Variants in LRCH1 observed in about 807,000 individuals in gnomAD.
The protein encoded by LRCH1 is leucine rich repeats and calponin homology domain containing 1, also known as leucine-rich repeat and calponin homology domain-containing protein 1.
A neutral mutation model predicts 94.9 loss-of-function variants in LRCH1; 23 were observed. The ratio of observed to expected loss-of-function variants is 0.24; its 90% CI spans 0.17 to 0.34. The LOEUF is 0.34. Ranked by LOEUF, LRCH1 falls within the 10% of genes least tolerant of loss-of-function variation. LRCH1 has a pLI of 1.00. For synonymous variants in LRCH1, 364 were observed against 354.9 expected, an observed-to-expected ratio of 1.03 and a Z score of -0.29; for missense variants, 790 against 945.9, an observed-to-expected ratio of 0.84 and a Z score of 2.16.
intron 8 of LRCH1, among the ~76,000 whole-genome samples, chr13:46,693,178 T>A (rs1173530354): frequency 6.6e-6 from 1 of 152,044 alleles, no homozygotes; most frequent in Non-Finnish European, 1.5e-5. Flanking sequence ...ATTGATATGA[T>A]AGATATATTA....
Position 46,743,801 on chromosome 13 carries a change from C to G in LRCH1, c.*1953C>G, listed in dbSNP as rs557328992. 51 of 983,672 alleles carry G rather than the reference C, an allele frequency of 5.2e-5. No homozygotes were observed. In the South Asian group the frequency reaches 1.0e-3, roughly 20 times the overall value. The allele number at this position is 983,672 out of a possible 1,614,324, so 60.9% of individuals were successfully genotyped here. On this transcript the variant is annotated 3_prime_UTR_variant, in exon 20 of 20. Transcript: ENST00000389797. ...ATATCAATAAAAACTGAGTAGGACA[C>G]TCATGTAAGAGTAGATTTAATTTTC...
intron 1 of LRCH1, among the ~76,000 whole-genome samples, chr13:46,556,487 A>G (rs1049224019): frequency 1.3e-5 from 2 of 152,198 alleles, no homozygotes; most frequent in African/African-American, 4.8e-5. Context: ...AGAAAGACTG[A>G]TCCACGCAGG....
chr13:46,569,029 G>T (rs1401608778), intron 1 of LRCH1, among the ~76,000 whole-genome samples: 1 of 152,154 alleles, frequency 6.6e-6, no homozygotes, highest in Non-Finnish European at 1.5e-5. Flanking sequence ...CCTATTAGAA[G>T]ACTGATATTT....
chr13:46,578,705 G>C (rs956179969), intron 1 of LRCH1, among the ~76,000 whole-genome samples: 3 of 152,180 alleles, frequency 2.0e-5, no homozygotes, highest in African/African-American at 7.2e-5. Context: ...CTGAGAGCTG[G>C]TGCAGAAACA....
In LRCH1 at chr13:46,689,139, G is replaced by A. The variant is rs1870767360; in HGVS notation, c.957G>A (p.Lys319=). 1 of 1,609,330 alleles carries A rather than the reference G, an allele frequency of 6.2e-7. No individual in the cohort carries two copies. The highest frequency in any genetic ancestry group is 1.3e-5 in the African/African-American group (1 of 74,866). Reference sequence around the variant, plus strand: ...TTGATGGCATCTATCTCAGCAAGAAGGATTCTGATTCGGGAGTTGGAAGTG... The same window carrying A: ...TTGATGGCATCTATCTCAGCAAGAAAGATTCTGATTCGGGAGTTGGAAGTG... ...HLHQHVEDGK[K]DSDSGVGSDN... Residue 319 remains lysine (K), a synonymous_variant, in exon 7 of 20, where the codon AAG becomes AAA. Transcript: ENST00000389797.
At chr13:46,601,883 G>T (rs751781845) in intron 1 of LRCH1, among the ~76,000 whole-genome samples, 3 of 152,162 alleles carry the variant, frequency 2.0e-5, no homozygotes, top group Non-Finnish European at 2.9e-5. Flanking sequence ...GACTGAGTTG[G>T]ACTTTGTAGC....
intron 13 of LRCH1, among the ~76,000 whole-genome samples, chr13:46,709,282 A>G (rs567221016): frequency 1.8e-4 from 28 of 152,336 alleles, no homozygotes; most frequent in African/African-American, 5.5e-4. Context: ...TCCAAGTCAT[A>G]TATCAATCAT....
rs142420098 is a variant in LRCH1, at chr13:46,708,850, C to G, written c.1528-2941C>G. ...CCTCTTTATTTCTCCTGTTGTTTGT[C>G]TTTCTCATTGCATAGCACAAACACT... On this transcript the variant is annotated intron_variant, in intron 13 of 19. Transcript: ENST00000389797. 2.6e-5 allele frequency among the ~76,000 whole-genome samples: 4 copies of G among 152,246 alleles called. No individual in the cohort carries two copies. The East Asian group carries it at 5.8e-4, about 22-fold the overall frequency.
At chr13:46,696,680 T>C (rs842403) in intron 9 of LRCH1, among the ~76,000 whole-genome samples, 83,979 of 152,044 alleles carry the variant, frequency 0.55, 23,924 homozygotes, top group Middle Eastern at 0.62. Flanking sequence ...AAGAAAAATG[T>C]TAATGATAAA....
At chr13:46,628,880 A>G (rs2050984570) in intron 1 of LRCH1, among the ~76,000 whole-genome samples, 1 of 152,208 alleles carries the variant, frequency 6.6e-6, no homozygotes, top group Non-Finnish European at 1.5e-5. Flanking sequence ...TGACCAGTCA[A>G]ATTCGCAGTA....
At chr13:46,624,814 C>T (rs181610877) in intron 1 of LRCH1, among the ~76,000 whole-genome samples, 3 of 152,310 alleles carry the variant, frequency 2.0e-5, no homozygotes, top group African/African-American at 7.2e-5. Context: ...ACAACTCCAA[C>T]GATGTTAGCT....
At chr13:46,553,991 C>T (rs2050033907) in intron 1 of LRCH1, among the ~76,000 whole-genome samples, 2 of 152,220 alleles carry the variant, frequency 1.3e-5, no homozygotes, top group South Asian at 4.1e-4. Context: ...GTGGCTGCCG[C>T]GCCAGGGAAG....
intron 1 of LRCH1, among the ~76,000 whole-genome samples, chr13:46,580,646 G>A (rs1207135312): frequency 1.3e-5 from 2 of 152,150 alleles, no homozygotes; most frequent in Non-Finnish European, 2.9e-5. Flanking sequence ...GAGAACAAAA[G>A]GAAAGTCCCT....
At chr13:46,679,194 A>T (rs1398147645) in intron 3 of LRCH1, among the ~76,000 whole-genome samples, 1 of 152,078 alleles carries the variant, frequency 6.6e-6, no homozygotes, top group Non-Finnish European at 1.5e-5. Context: ...CAACAACATC[A>T]CCCAAGTGAC....
At chr13:46,614,807 A>G (rs1323397851) in intron 1 of LRCH1, among the ~76,000 whole-genome samples, 1 of 152,230 alleles carries the variant, frequency 6.6e-6, no homozygotes, top group African/African-American at 2.4e-5. Context: ...TCTATTGTAT[A>G]TCACGGTGCA....
intron 1 of LRCH1, among the ~76,000 whole-genome samples, chr13:46,603,509 A>G (rs1566170625): frequency 1.3e-5 from 2 of 152,206 alleles, no homozygotes; most frequent in African/African-American, 4.8e-5. Flanking sequence ...AGTGGACAAC[A>G]GGGGGAGCTA....
Position 46,742,821 on chromosome 13 carries a change from A to C in LRCH1, c.*973A>C, listed in dbSNP as rs1873737251. ...GCTTGGGTTATGATGGCAGGAGTCA[A>C]GAAGAAGATTACTTTCATTCTAGAA... On this transcript the variant is annotated 3_prime_UTR_variant, in exon 20 of 20. Coordinates refer to ENST00000389797, the MANE Select transcript of LRCH1 (RefSeq NM_001164211.2). 1 of 985,284 alleles carries C rather than the reference A, an allele frequency of 1.0e-6. No homozygotes were observed. Among genetic ancestry groups the C allele is most frequent in the Admixed American group, 6.1e-5 (1 of 16,270 alleles). 61.0% of individuals were successfully genotyped at this position (985,284 alleles called of 1,614,324 possible).
chr13:46,688,120 A>C, intron 6 of LRCH1, 141 bp downstream of exon 6: 2 of 757,734 alleles, frequency 2.6e-6, no homozygotes, highest in Non-Finnish European at 3.9e-6. Flanking sequence ...ATTTGGTTTA[A>C]TCACCTAATT....
chr13:46,672,551 T>C (rs1476824499), intron 3 of LRCH1, among the ~76,000 whole-genome samples: 1 of 152,154 alleles, frequency 6.6e-6, no homozygotes, highest in Non-Finnish European at 1.5e-5. Flanking sequence ...GTCAGCCGCA[T>C]ACTAGAGCAG....
Sources: gnomAD v4.1 joint callset for allele counts (sites outside exome capture counted in the v4.1 genomes callset) on GRCh38, gnomAD v4.1.1 for gene constraint, MANE v1.5 for transcripts, NCBI Gene and HGNC (gene_info 2026-07-23, HGNC 2026-07-21) for gene names.